TP53I11: variants seen among roughly 807,000 people sequenced by gnomAD.
TP53I11 encodes tumor protein p53 inducible protein 11.
A neutral mutation model predicts 23.3 loss-of-function variants in TP53I11; 9 were observed. The ratio of observed to expected loss-of-function variants is 0.39; its 90% CI spans 0.23 to 0.67. The LOEUF is 0.67. Ranked by LOEUF, TP53I11 falls within the 30% of genes least tolerant of loss-of-function variation. TP53I11 has a pLI of 0.48. For synonymous variants in TP53I11, 100 were observed against 106.1 expected (o/e 0.94, Z 0.35); for missense variants, 170 against 255.2 (o/e 0.67, Z 2.27).
At chr11:44,950,400 G>C (rs1405296246) in intron 1 of TP53I11, among the ~76,000 whole-genome samples, 1 of 152,316 alleles carries the variant, frequency 6.6e-6, no homozygotes, top group Non-Finnish European at 1.5e-5. Context: ...GGGAAACCGA[G>C]TCAGAGGGAG....
intron 1 of TP53I11, among the ~76,000 whole-genome samples, chr11:44,945,103 C>G (rs1175307412): frequency 6.6e-6 from 1 of 152,184 alleles, no homozygotes. Flanking sequence ...CCAAGCCTCC[C>G]TGTGAGTCAA....
intron 1 of TP53I11, among the ~76,000 whole-genome samples, chr11:44,947,924 C>CTCTA (rs1439939291): frequency 3.3e-5 from 5 of 152,226 alleles, no homozygotes; most frequent in Admixed American, 2.0e-4. Context: ...GACTAGAAGA[C>CTCTA]TCTACTTCCT....
chr11:44,945,892 C>T (rs954543614), intron 1 of TP53I11, among the ~76,000 whole-genome samples: 1 of 152,142 alleles, frequency 6.6e-6, no homozygotes, highest in Non-Finnish European at 1.5e-5. Context: ...CCAGGGCTGC[C>T]GTCGGCCCCT....
intron 1 of TP53I11, among the ~76,000 whole-genome samples, chr11:44,945,301 C>T (rs1386962018): frequency 6.6e-6 from 1 of 152,214 alleles, no homozygotes; most frequent in Non-Finnish European, 1.5e-5. Flanking sequence ...CCCCTGCTAT[C>T]CCCACCACAA....
intron 1 of TP53I11, among the ~76,000 whole-genome samples, chr11:44,940,250 C>T (rs1279583773): frequency 6.6e-6 from 1 of 152,236 alleles, no homozygotes; most frequent in Non-Finnish European, 1.5e-5. Flanking sequence ...TCCAGCCTCC[C>T]CATGGCCTTT....
intron 1 of TP53I11, among the ~76,000 whole-genome samples, chr11:44,938,927 C>A (rs1243983769): frequency 6.6e-5 from 10 of 152,122 alleles, no homozygotes; most frequent in Non-Finnish European, 1.3e-4. Context: ...CCCAGCAGAG[C>A]CAGAGAAGGC....
At chr11:44,946,915 C>A in intron 1 of TP53I11, 1 of 423,296 alleles carries the variant, frequency 2.4e-6, no homozygotes, top group Non-Finnish European at 4.8e-6. Flanking sequence ...TGGACTGGCA[C>A]ACAGGTCCTA....
intron 1 of TP53I11, among the ~76,000 whole-genome samples, chr11:44,941,990 A>C (rs1414259150): frequency 8.6e-4 from 5 of 5,814 alleles, no homozygotes; most frequent in Non-Finnish European, 2.0e-3. Context: ...ACACACACAC[A>C]CCACATATAC....
chr11:44,942,697 G>A lies in TP53I11; in HGVS notation c.-31-4331C>T, dbSNP rs185556675. On this transcript the variant is annotated intron_variant, in intron 1 of 6. Transcript: ENST00000525680. ...CACCTCCCAAGCCCACCCTAGCAGG[G>A]AGGGCATCACTCACAAAGGGCCCAT... Among the ~76,000 whole-genome samples the A allele has an allele frequency of 3.9e-5, 6 of 152,314 alleles. No individual in the cohort carries two copies. In the East Asian group the frequency reaches 1.2e-3, roughly 29 times the overall value.
intron 1 of TP53I11, among the ~76,000 whole-genome samples, chr11:44,949,440 T>G (rs529050929): frequency 6.6e-4 from 101 of 151,966 alleles, no homozygotes; most frequent in African/African-American, 2.2e-3. Context: ...AGTGGGGCGG[T>G]GAGGGGGCCT....
intron 2 of TP53I11, among the ~76,000 whole-genome samples, chr11:44,937,920 G>C (rs1385501794): frequency 6.6e-6 from 1 of 152,182 alleles, no homozygotes; most frequent in Non-Finnish European, 1.5e-5. Context: ...TAACCTCTCT[G>C]AGCCTTTGTT....
chr11:44,951,125 G>T (rs1328423115), upstream of TP53I11: 4 of 151,840 alleles, frequency 2.6e-5, no homozygotes, highest in African/African-American at 7.3e-5. Flanking sequence ...CCCTGGCGTG[G>T]CCCGCGCCGC....
In TP53I11 at chr11:44,936,576, A is replaced by T; in HGVS notation, c.334+227T>A. Reference sequence around the variant, plus strand: ...GCACACACTTATGAGCGCTCCTTGCAGATGGTGGCGACTGCAAGCTCCAAC... The same window carrying T: ...GCACACACTTATGAGCGCTCCTTGCTGATGGTGGCGACTGCAAGCTCCAAC... On this transcript the variant is annotated intron_variant, in intron 5 of 6. Coordinates refer to ENST00000525680, the MANE Select transcript of TP53I11 (RefSeq NM_006034.5). This position sits in a 1 kb window ranked among gnomAD's most constrained non-coding sequence, Gnocchi z 4.4. 7.6e-7 allele frequency: 1 copy of T among 1,311,052 alleles called. No individual in the cohort carries two copies. The highest frequency in any genetic ancestry group is 1.5e-5 in the African/African-American group (1 of 65,478). The allele number at this position is 1,311,052 out of a possible 1,614,324, so 81.2% of individuals were successfully genotyped here. A position where few individuals can be genotyped will look rare whatever the true frequency, so the allele number is the denominator to read the frequency against.
rs1861139905 is a variant in TP53I11 at position 44,936,634 on chromosome 11, T to C, written c.334+169A>G. The C allele has an allele frequency of 7.5e-7, 1 of 1,341,286 alleles. No homozygotes were observed. The highest frequency in any genetic ancestry group is 9.6e-7 in the Non-Finnish European group (1 of 1,046,106). The allele number at this position is 1,341,286 out of a possible 1,614,324, so 83.1% of individuals were successfully genotyped here. ...GTGTATTCCACCAATGGCCACAAGA[T>C]GGCAGCACATCCCCAGCAGAGAGCT... On this transcript the variant is annotated intron_variant, in intron 5 of 6. Coordinates refer to ENST00000525680, the MANE Select transcript of TP53I11 (RefSeq NM_006034.5). The surrounding 1 kb of genome is among the most constrained non-coding windows in gnomAD (Gnocchi z 4.4).
intron 1 of TP53I11, among the ~76,000 whole-genome samples, chr11:44,947,869 T>C (rs1186214566): frequency 1.3e-5 from 2 of 152,184 alleles, no homozygotes; most frequent in Admixed American, 1.3e-4. Flanking sequence ...GAACAGCGCC[T>C]GTTTTGTAGT....
At position 44,949,890 on chromosome 11, in the gene TP53I11, T is replaced by G. The variant is rs543722056; in HGVS notation, c.-32+787A>C. 44 of 152,436 alleles carry G rather than the reference T, an allele frequency of 2.9e-4. 1 individual carries two copies. The highest frequency in any genetic ancestry group is 1.1e-3 in the African/African-American group (44 of 41,544). The allele number at this position is 152,436 out of a possible 1,614,324, so 9.4% of individuals were successfully genotyped here. On this transcript the variant is annotated intron_variant, in intron 1 of 6. Coordinates refer to ENST00000525680, the MANE Select transcript of TP53I11 (RefSeq NM_006034.5). ...GCGGCCTGGGTTTCTGCCCGCCCCTTTCCAGCCTGGGGACGGGGGACTCTC... is the reference window on the plus strand; with the variant it reads ...GCGGCCTGGGTTTCTGCCCGCCCCTGTCCAGCCTGGGGACGGGGGACTCTC...
At chr11:44,949,812 G>A (rs61300798) in intron 1 of TP53I11, among the ~76,000 whole-genome samples, 7,311 of 152,260 alleles carry the variant, frequency 0.048, 426 homozygotes, top group African/African-American at 0.14. Context: ...TGGGGAGAGT[G>A]GGGGGCGTCT....
intron 1 of TP53I11, among the ~76,000 whole-genome samples, chr11:44,948,765 T>C (rs1862627192): frequency 6.6e-6 from 1 of 152,222 alleles, no homozygotes; most frequent in South Asian, 2.1e-4. Context: ...ACTGTGTGAC[T>C]ATGGGGCATT....
upstream of TP53I11, chr11:44,950,980 G>T (rs1477168387): frequency 2.0e-5 from 3 of 151,820 alleles, no homozygotes; most frequent in Non-Finnish European, 4.4e-5. Context: ...CAGGGTGGCC[G>T]CCGGGGCGGG....
Sources: allele counts gnomAD v4.1 joint callset (sites outside exome capture counted in the v4.1 genomes callset), GRCh38; gene constraint gnomAD v4.1.1; non-coding constraint Gnocchi (gnomAD v3.1); transcripts MANE v1.5; gene names NCBI Gene and HGNC (gene_info 2026-07-23, HGNC 2026-07-21).